The following HSPG2 variants were observed in gnomAD, a reference collection of about 807,000 sequenced individuals.
HSPG2 encodes heparan sulfate proteoglycan 2.
A neutral mutation model predicts 526.6 loss-of-function variants in HSPG2; 278 were observed. The observed-to-expected ratio is 0.53, with a 90% CI of 0.48 to 0.58. The LOEUF (loss-of-function observed/expected upper bound fraction) is 0.58. HSPG2 is among the 20% of genes least tolerant of loss of function. The pLI is 0.00. For missense variants in HSPG2, 5,354 were observed against 6,099.5 expected (o/e 0.88, Z 4.07); for synonymous variants, 2,465 against 2,555.4 (o/e 0.96, Z 1.07).
chr1:21,889,568 C>G lies in HSPG2; in HGVS notation c.574+413G>C, dbSNP rs59335091. Among the ~76,000 whole-genome samples, 5,190 of 150,666 alleles carry G rather than the reference C, an allele frequency of 0.034. 220 individuals carry two copies. Among genetic ancestry groups the G allele is most frequent in the African/African-American group, 0.085 (3,387 of 40,000 alleles). On this transcript the variant is annotated intron_variant, in intron 6 of 96. Transcript: ENST00000374695. Reference sequence around the variant, plus strand: ...TTTCCTTTCTGGGCCTCAGTTCCCTCGTCTCTGAAACAGGAGGAATAACAT... The same window carrying G: ...TTTCCTTTCTGGGCCTCAGTTCCCTGGTCTCTGAAACAGGAGGAATAACAT...
chr1:21,886,037 G>C (rs1336849003), intron 9 of HSPG2, among the ~76,000 whole-genome samples: 1 of 152,250 alleles, frequency 6.6e-6, no homozygotes, highest in Non-Finnish European at 1.5e-5. Flanking sequence ...CACAGACAGG[G>C]ACAGAGAAGT....
intron 50 of HSPG2, 111 bp from the exon 51 acceptor site, chr1:21,853,181 G>T: frequency 7.0e-7 from 1 of 1,419,562 alleles, no homozygotes; most frequent in Non-Finnish European, 9.6e-7. Context: ...GCCGACAGGT[G>T]GCCTTTCTGG....
chr1:21,842,712 A>G (rs2098054151), intron 67 of HSPG2, 58 bp downstream of exon 67: 1 of 1,607,520 alleles, frequency 6.2e-7, no homozygotes, highest in Non-Finnish European at 8.5e-7. Flanking sequence ...GGGTACAGAA[A>G]GCAACTGCAG....
At position 21,880,405 on chromosome 1, in the gene HSPG2, T is replaced by C. The variant is rs752335867; in HGVS notation, c.2153A>G (p.His718Arg). Residue 718 changes from histidine to arginine, a missense_variant, in exon 16 of 97, where the codon CAT becomes CGT. Transcript: ENST00000374695. ...GTGGGCACGGCCATGGCTGGTGGCA[T>C]GGGTGACGGTGGTATCCATGGCGAT... The part of the protein sequence containing the change: ...SDIAMDTTVT[H>R]ATSHGRAHSV... The C allele has an allele frequency of 4.3e-6, 7 of 1,613,940 alleles. No individual in the cohort carries two copies. Among genetic ancestry groups the C allele is most frequent in the Admixed American group, 1.7e-5 (1 of 60,004 alleles).
intron 1 of HSPG2, among the ~76,000 whole-genome samples, chr1:21,907,831 C>T (rs1166831851): frequency 6.6e-6 from 1 of 152,176 alleles, no homozygotes; most frequent in Non-Finnish European, 1.5e-5. Context: ...CACCTCTTTC[C>T]TTTCTATATT....
intron 25 of HSPG2, chr1:21,875,285 A>T: frequency 1.7e-6 from 1 of 595,778 alleles, no homozygotes; most frequent in Non-Finnish European, 3.0e-6. Context: ...CACGGGCCTG[A>T]AAGAACGATC....
At position 21,876,566 on chromosome 1, in the gene HSPG2, G is replaced by A. The variant is rs1641084314; in HGVS notation, c.2772C>T (p.Cys924=). ...STRNPDGCLK[C]FCMGVSRHCT... Reference sequence around the variant, plus strand: ...AGTGGCGACTGACACCCATGCAGAAGCACTTGAGGCAGCCATCGGGGTTTC... The same window carrying A: ...AGTGGCGACTGACACCCATGCAGAAACACTTGAGGCAGCCATCGGGGTTTC... Residue 924 remains cysteine (C), a synonymous_variant, in exon 22 of 97, where the codon TGC becomes TGT. Coordinates refer to ENST00000374695, the MANE Select transcript of HSPG2 (RefSeq NM_005529.7). The A allele has an allele frequency of 1.2e-6, 2 of 1,614,256 alleles. No individual in the cohort carries two copies. The highest frequency in any genetic ancestry group is 8.5e-7 in the Non-Finnish European group (1 of 1,180,044).
rs767578048 is a variant in HSPG2, at chr1:21,852,904, G to A, written c.6591+15C>T. The A allele has an allele frequency of 3.3e-5, 53 of 1,611,922 alleles. No individual in the cohort carries two copies. Among genetic ancestry groups the A allele is most frequent in the African/African-American group, 9.3e-5 (7 of 74,910 alleles). On this transcript the variant is annotated intron_variant, in intron 51 of 96. Transcript: ENST00000374695. ...CCAGCCCCTCCAGCAAGGTGGTCCC[G>A]GGGGGCTGCCATACCTGGTGCCGGG...
At chr1:21,899,113 A>C (rs529569812) in intron 1 of HSPG2, among the ~76,000 whole-genome samples, 1 of 152,318 alleles carries the variant, frequency 6.6e-6, no homozygotes, top group South Asian at 2.1e-4. Flanking sequence ...GGGTCCCTCC[A>C]TCTGCCAGTC....
chr1:21,870,291 C>G, intron 33 of HSPG2: 1 of 986,052 alleles, frequency 1.0e-6, no homozygotes, highest in Non-Finnish European at 1.2e-6. Flanking sequence ...CCCGCAACTG[C>G]TCCTCTGAGA....
chr1:21,927,227 G>A (rs181801679), intron 1 of HSPG2, among the ~76,000 whole-genome samples: 61 of 144,908 alleles, frequency 4.2e-4, no homozygotes, highest in African/African-American at 1.6e-3. Context: ...GGGGAAAGAG[G>A]CCAAATGTTA....
chr1:21,847,812 G>A lies in HSPG2; in HGVS notation c.7902C>T (p.Ile2634=), dbSNP rs371424140. The part of the protein sequence containing the change: ...HVPSVSPPIR[I]ESSSPTVVEG... ...CCACCACCGTGGGGGAAGACGACTC[G>A]ATCCTGATCGGTGGGGAGACGCTGG... The change falls in exon 61 of 97, where the codon ATC becomes ATT. Residue 2634 remains isoleucine (I), a synonymous_variant. Coordinates refer to ENST00000374695, the MANE Select transcript of HSPG2 (RefSeq NM_005529.7). This position sits in a 1 kb window ranked among gnomAD's most constrained non-coding sequence, Gnocchi z 4.1. 47 of 1,613,786 alleles carry A rather than the reference G, an allele frequency of 2.9e-5. No homozygotes were observed. The highest frequency in any genetic ancestry group is 1.6e-4 in the Middle Eastern group (1 of 6,084).
At chr1:21,836,345 G>A (rs1242532314) in intron 75 of HSPG2, among the ~76,000 whole-genome samples, 2 of 152,168 alleles carry the variant, frequency 1.3e-5, no homozygotes, top group African/African-American at 4.8e-5. Flanking sequence ...TTTTGAGATG[G>A]AGTTTTGCTC....
intron 1 of HSPG2, among the ~76,000 whole-genome samples, chr1:21,923,812 C>T (rs1299713975): frequency 6.6e-6 from 1 of 152,198 alleles, no homozygotes; most frequent in Admixed American, 6.5e-5. Context: ...AGATCCAACA[C>T]AAGGCCTCGC....
intron 49 of HSPG2, 54 bp from the exon 50 acceptor site, chr1:21,854,397 C>G (rs1334714324): frequency 6.5e-7 from 1 of 1,545,584 alleles, no homozygotes; most frequent in Non-Finnish European, 8.7e-7. Flanking sequence ...GCTATTGTCA[C>G]CACTCCCTCA....
chr1:21,869,440 C>T, intron 33 of HSPG2: 2 of 985,882 alleles, frequency 2.0e-6, no homozygotes, highest in Non-Finnish European at 2.4e-6. Flanking sequence ...GGGTGGGGAT[C>T]CCTTGATGGG....
Position 21,880,813 on chromosome 1 carries a change from A to C in HSPG2, c.1841T>G (p.Leu614Arg). Residue 614 changes from leucine (L) to arginine (R), a missense_variant, in exon 15 of 97, where the codon CTG becomes CGG. Transcript: ENST00000374695. Reference sequence around the variant, plus strand: ...CAACTCGTAGCGCACGTTGTAACGCAGGGAGCCGCCATAGGAGTCCACCTG... The same window carrying C: ...CAACTCGTAGCGCACGTTGTAACGCCGGGAGCCGCCATAGGAGTCCACCTG... ...GNKVDSYGGS[L>R]RYNVRYELAR... The C allele has an allele frequency of 8.2e-6, 13 of 1,593,022 alleles. No individual in the cohort carries two copies. Among genetic ancestry groups the C allele is most frequent in the Non-Finnish European group, 1.1e-5 (13 of 1,170,966 alleles).
At chr1:21,866,256 C>A (rs1640226571) in intron 33 of HSPG2, among the ~76,000 whole-genome samples, 1 of 152,178 alleles carries the variant, frequency 6.6e-6, no homozygotes, top group African/African-American at 2.4e-5. Flanking sequence ...TTTTTGTTTG[C>A]CCAGTATCCA....
rs140573963 is a variant in HSPG2 at position 21,841,138 on chromosome 1, C to G, written c.9476G>C (p.Arg3159Pro). The change falls in exon 71 of 97, where the codon CGG becomes CCG. Residue 3159 changes from arginine to proline, a missense_variant. Coordinates refer to ENST00000374695, the MANE Select transcript of HSPG2 (RefSeq NM_005529.7). Reference sequence around the variant, plus strand: ...GTGGCTGTCCATGAGCCCATATGTCCGCTGCTCCAACTTGGCAGGGGTGCT... The same window carrying G: ...GTGGCTGTCCATGAGCCCATATGTCGGCTGCTCCAACTTGGCAGGGGTGCT... ...ISSTPAKLEQ[R>P]TYGLMDSHAV... The G allele has an allele frequency of 5.6e-6, 9 of 1,613,194 alleles. No individual in the cohort carries two copies. Among genetic ancestry groups the G allele is most frequent in the Non-Finnish European group, 7.6e-6 (9 of 1,179,898 alleles).
Sources: allele counts gnomAD v4.1 joint callset (sites outside exome capture counted in the v4.1 genomes callset), GRCh38; gene constraint gnomAD v4.1.1; non-coding constraint Gnocchi (gnomAD v3.1); transcripts MANE v1.5; gene names NCBI Gene and HGNC (gene_info 2026-07-23, HGNC 2026-07-21).